Variants in FAT1 observed in about 807,000 individuals in gnomAD.
FAT1 encodes FAT atypical cadherin 1.
In FAT1, 171 loss-of-function variants were observed where a neutral mutation model predicts 329.8. The observed-to-expected ratio is 0.52, with a 90% CI of 0.46 to 0.59. The LOEUF (loss-of-function observed/expected upper bound fraction) is 0.59, where lower values mean the gene tolerates loss of function less well. Ranked by LOEUF, FAT1 falls within the 20% of genes least tolerant of loss-of-function variation. The probability of loss-of-function intolerance (pLI) is 0.00; values close to 1 mark genes in which losing one functional copy is unlikely to be tolerated. For missense variants in FAT1, 5,672 were observed against 5,774.4 expected (o/e 0.98, Z 0.57); for synonymous variants, 2,233 against 2,228.6 (o/e 1.00, Z -0.06).
chr4:186,706,801 T>C lies in FAT1; in HGVS notation c.3027A>G (p.Pro1009=). The part of the protein sequence containing the change: ...LTVRAKDKGK[P]VSLSSTCYVE... Reference sequence around the variant, plus strand: ...CATAGCAAGTAGAAGACAGAGAAACTGGCTTTCCCTTGTCTTTGGCCCTCA... The same window carrying C: ...CATAGCAAGTAGAAGACAGAGAAACCGGCTTTCCCTTGTCTTTGGCCCTCA... The change falls in exon 2 of 27, where the codon CCA becomes CCG. Residue 1009 remains proline (P), a synonymous_variant. Transcript: ENST00000441802. 1 of 1,614,006 alleles carries C rather than the reference T, an allele frequency of 6.2e-7. No homozygotes were observed. Among genetic ancestry groups the C allele is most frequent in the Non-Finnish European group, 8.5e-7 (1 of 1,179,898 alleles).
intron 3 of FAT1, among the ~76,000 whole-genome samples, chr4:186,661,591 G>C (rs1032051346): frequency 1.3e-5 from 2 of 152,238 alleles, no homozygotes; most frequent in African/African-American, 4.8e-5. Flanking sequence ...AGAAATGCCT[G>C]TGCGTGGGAC....
Position 186,587,930 on chromosome 4 carries a change from G to A in FAT1, c.*662C>T, listed in dbSNP as rs1365004397. On this transcript the variant is annotated 3_prime_UTR_variant, in exon 27 of 27. Coordinates refer to ENST00000441802, the MANE Select transcript of FAT1 (RefSeq NM_005245.4). The stretch of plus-strand genomic sequence containing the variant: ...TCATGGTGGTTTTGGTTCTAAACAG[G>A]TATGCAGAAGGTCCCCGTTACACTT... 1 of 218,000 alleles carries A rather than the reference G, an allele frequency of 4.6e-6. No individual in the cohort carries two copies. Among genetic ancestry groups the A allele is most frequent in the African/African-American group, 2.3e-5 (1 of 44,382 alleles). The allele number at this position is 218,000 out of a possible 1,614,324, so 13.5% of individuals were successfully genotyped here.
At chr4:186,616,146 C>T (rs1213356963) in intron 11 of FAT1, among the ~76,000 whole-genome samples, 1 of 151,956 alleles carries the variant, frequency 6.6e-6, no homozygotes, top group Non-Finnish European at 1.5e-5. Context: ...ATCCACTCCT[C>T]CCTGTCTAAA....
chr4:186,601,295 G>C lies in FAT1; in HGVS notation c.11614C>G (p.Arg3872Gly). ...TCCAAGATGCTATAGTCAGTTCCTC[G>C]AGCATACATGACAACCGCATGCGTG... ...YSTHAVVMYA[R>G]GTDYSILEIH... The change falls in exon 21 of 27, where the codon CGA (arginine) becomes GGA (glycine). Residue 3872 changes from arginine to glycine, a missense_variant. Around this residue, in one of 2 missense-constraint regions of FAT1, gnomAD observed 1,706 missense variants for 1,859.1 expected, o/e 0.92. Coordinates refer to ENST00000441802, the MANE Select transcript of FAT1 (RefSeq NM_005245.4). 1.9e-6 allele frequency: 3 copies of C among 1,606,372 alleles called. No homozygotes were observed. The highest frequency in any genetic ancestry group is 2.6e-6 in the Non-Finnish European group (3 of 1,173,886).
intron 20 of FAT1, among the ~76,000 whole-genome samples, chr4:186,602,087 T>C (rs1738841665): frequency 2.0e-5 from 3 of 152,034 alleles, no homozygotes; most frequent in Admixed American, 2.0e-4. Flanking sequence ...AATGAACAAA[T>C]GAGATGAAAA....
Position 186,707,705 on chromosome 4 carries a change from G to A in FAT1, c.2123C>T (p.Ser708Phe), listed in dbSNP as rs952581266. 6.2e-7 allele frequency: 1 copy of A among 1,613,890 alleles called. No homozygotes were observed. Among genetic ancestry groups the A allele is most frequent in the Non-Finnish European group, 8.5e-7 (1 of 1,179,880 alleles). ...AAACTGCGGTATGTGAGCATTGACA[G>A]AGTGAGAATCGAAGAAAATATCCTC... ...EVEDIFFDSH[S>F]VNAHIPQFRS... Residue 708 changes from serine (S) to phenylalanine (F), a missense_variant, in exon 2 of 27, where the codon TCT (serine) becomes TTT (phenylalanine). Coordinates refer to ENST00000441802, the MANE Select transcript of FAT1 (RefSeq NM_005245.4).
chr4:186,590,606 T>C (rs750723160), intron 26 of FAT1: 66 of 457,618 alleles, frequency 1.4e-4, no homozygotes, highest in Non-Finnish European at 2.3e-4. Flanking sequence ...AATATGGAAG[T>C]GGAGGAAAGT....
rs1021915583 is a variant in FAT1 at position 186,619,202 on chromosome 4, T to C, written c.7384A>G (p.Ser2462Gly). ...CCATCAGACACTGACAGGTTAAGACTGTAAAATGGCTTCAGGGCGTGCCGG... is the reference window on the plus strand; with the variant it reads ...CCATCAGACACTGACAGGTTAAGACCGTAAAATGGCTTCAGGGCGTGCCGG... ...LHRHALKPFYSLNLSVSDGVF... is the reference protein window; with the variant it reads ...LHRHALKPFYGLNLSVSDGVF... Residue 2462 changes from serine (S) to glycine (G), a missense_variant, in exon 10 of 27, where the codon AGT (serine) becomes GGT (glycine). Around this residue, in one of 2 missense-constraint regions of FAT1, gnomAD observed 3,966 missense variants for 3,915.2 expected, o/e 1.01. Coordinates refer to ENST00000441802, the MANE Select transcript of FAT1 (RefSeq NM_005245.4). 5 of 1,613,880 alleles carry C rather than the reference T, an allele frequency of 3.1e-6. No individual in the cohort carries two copies. Among genetic ancestry groups the C allele is most frequent in the East Asian group, 4.5e-5 (2 of 44,902 alleles).
At chr4:186,689,915 C>A (rs1743672621) in intron 2 of FAT1, among the ~76,000 whole-genome samples, 1 of 152,328 alleles carries the variant, frequency 6.6e-6, no homozygotes, top group East Asian at 1.9e-4. Flanking sequence ...ACCGCACTCA[C>A]AAGCCCATTA....
At chr4:186,648,762 C>A (rs534677343) in intron 3 of FAT1, among the ~76,000 whole-genome samples, 1 of 152,108 alleles carries the variant, frequency 6.6e-6, no homozygotes, top group African/African-American at 2.4e-5. Flanking sequence ...AATGCCAACC[C>A]CCCTTCTTCC....
In FAT1 at chr4:186,707,756, T is replaced by C. The variant is rs568098759; in HGVS notation, c.2072A>G (p.Asn691Ser). ...KMLAEKLLQA[N>S]KLHNQGEVED... ...CACCTCTCCCTGGTTGTGTAATTTA[T>C]TTGCCTGCAGGAGCTTCTCTGCCAG... Residue 691 changes from asparagine to serine, a missense_variant, in exon 2 of 27, where the codon AAT becomes AGT. Transcript: ENST00000441802. 18 of 1,613,744 alleles carry C rather than the reference T, an allele frequency of 1.1e-5. No individual in the cohort carries two copies. In the South Asian group the frequency reaches 1.9e-4, roughly 17 times the overall value.
At chr4:186,690,157 A>G (rs980583179) in intron 2 of FAT1, among the ~76,000 whole-genome samples, 20 of 152,260 alleles carry the variant, frequency 1.3e-4, no homozygotes, top group African/African-American at 4.6e-4. Flanking sequence ...TTTAAAAAGA[A>G]GAGCAAACAC....
At chr4:186,705,106 AT>A (rs761512523) in intron 2 of FAT1, among the ~76,000 whole-genome samples, 6,199 of 120,154 alleles carry the variant, frequency 0.052, 152 homozygotes, top group Admixed American at 0.06. Flanking sequence ...CCACCCCAGC[AT>A]TTTTTTTTTT....
rs866759171 is a variant in FAT1, at chr4:186,626,714, C to T, written c.4810+1440G>A. 7.8e-3 allele frequency among the ~76,000 whole-genome samples: 1,013 copies of T among 130,128 alleles called. 30 individuals carry two copies. Among genetic ancestry groups the T allele is most frequent in the African/African-American group, 0.028 (879 of 31,946 alleles). The allele number at this position is 130,128 out of a possible 152,430, so 85.4% of individuals were successfully genotyped here. ...GCACATAAAGTGAGCTTCATCAGCCCACAGAATGAATGAATGAATGAATGA... is the reference window on the plus strand; with the variant it reads ...GCACATAAAGTGAGCTTCATCAGCCTACAGAATGAATGAATGAATGAATGA... On this transcript the variant is annotated intron_variant, in intron 9 of 26. Coordinates refer to ENST00000441802, the MANE Select transcript of FAT1 (RefSeq NM_005245.4).
chr4:186,646,007 G>C (rs559870703), intron 3 of FAT1, among the ~76,000 whole-genome samples: 3 of 79,810 alleles, frequency 3.8e-5, no homozygotes, highest in Non-Finnish European at 7.6e-5. Context: ...ACACACACAT[G>C]AAAGATGGCA....
At chr4:186,684,761 A>T (rs938722991) in intron 2 of FAT1, among the ~76,000 whole-genome samples, 1 of 152,190 alleles carries the variant, frequency 6.6e-6, no homozygotes, top group African/African-American at 2.4e-5. Context: ...ACAGGGTAAC[A>T]ATTGTTTTAA....
chr4:186,644,284 A>T (rs1741251184), intron 3 of FAT1, among the ~76,000 whole-genome samples: 1 of 152,256 alleles, frequency 6.6e-6, no homozygotes, highest in Non-Finnish European at 1.5e-5. Flanking sequence ...GATCCAAAAA[A>T]GCAAGTTAGG....
At chr4:186,602,476 TA>T (rs1310690287) in intron 20 of FAT1, among the ~76,000 whole-genome samples, 2 of 152,184 alleles carry the variant, frequency 1.3e-5, no homozygotes, top group Non-Finnish European at 2.9e-5. Flanking sequence ...ACAGCCATGC[TA>T]GAAAATATTA....
In FAT1 at chr4:186,609,947, T is replaced by C. The variant is rs541924289; in HGVS notation, c.9922A>G (p.Thr3308Ala). The change falls in exon 15 of 27, where the codon ACT becomes GCT. Residue 3308 changes from threonine to alanine, a missense_variant. Thr to Ala is a moderately conservative substitution (Grantham distance 58, BLOSUM62 0). Coordinates refer to ENST00000441802, the MANE Select transcript of FAT1 (RefSeq NM_005245.4). ...CTCAGTGAAGGCGTGCCTCCATCAG[T>C]GGCCTCTACTGTTAGGTAATACTCA... ...SHEYYLTVEA[T>A]DGGTPSLSDV... 4 of 1,613,482 alleles carry C rather than the reference T, an allele frequency of 2.5e-6. No homozygotes were observed. Among genetic ancestry groups the C allele is most frequent in the Non-Finnish European group, 3.4e-6 (4 of 1,179,440 alleles).
Sources: allele counts gnomAD v4.1 joint callset (sites outside exome capture counted in the v4.1 genomes callset), GRCh38; gene constraint gnomAD v4.1.1; regional missense constraint gnomAD v4.1.1; transcripts MANE v1.5; gene names NCBI Gene and HGNC (gene_info 2026-07-23, HGNC 2026-07-21).